The following DYNC1LI2 variants were observed in gnomAD, a reference collection of about 807,000 sequenced individuals.
DYNC1LI2 encodes the protein cytoplasmic dynein 1 light intermediate chain 2.
A neutral mutation model predicts 57.8 loss-of-function variants in DYNC1LI2; 19 were observed. The observed-to-expected ratio is 0.33, with a 90% confidence interval of 0.23 to 0.48. The LOEUF (loss-of-function observed/expected upper bound fraction) is 0.48. Ranked by LOEUF, DYNC1LI2 falls within the 20% of genes least tolerant of loss-of-function variation. DYNC1LI2 has a pLI of 0.99. For missense variants in DYNC1LI2, 470 were observed against 604.2 expected, an observed-to-expected ratio of 0.78 and a Z score of 2.33; for synonymous variants, 256 against 233.4, an observed-to-expected ratio of 1.10 and a Z score of -0.88.
At chr16:66,729,134 C>CA in intron 8 of DYNC1LI2, 35 bp from the exon 9 acceptor site, 1 of 1,611,918 alleles carries the variant, frequency 6.2e-7, no homozygotes, top group Non-Finnish European at 8.5e-7. Context: ...GGCCACAGGC[C>CA]AAGAATACTC....
chr16:66,751,365 G>A lies in DYNC1LI2; in HGVS notation c.108-19C>T, dbSNP rs2018048674. On this transcript the variant is annotated intron_variant, in intron 1 of 12. Transcript: ENST00000258198. This position sits in a 1 kb window ranked among gnomAD's most constrained non-coding sequence, Gnocchi z 5.2. ...GGAGGACCTGTGGCGACAATGGCAA[G>A]AGTGGTCAGCCCCGGGCCGGGCTGG... The A allele has an allele frequency of 5.6e-6, 9 of 1,610,390 alleles. No individual in the cohort carries two copies. The highest frequency in any genetic ancestry group is 1.7e-4 in the Middle Eastern group (1 of 6,044).
chr16:66,749,050 G>T, intron 3 of DYNC1LI2, 147 bp downstream of exon 3: 2 of 769,176 alleles, frequency 2.6e-6, no homozygotes, highest in Non-Finnish European at 4.2e-6. Flanking sequence ...TCCTGCAAAA[G>T]ATACGTACTT....
chr16:66,742,953 G>A (rs2017866448), intron 3 of DYNC1LI2, among the ~76,000 whole-genome samples: 1 of 151,978 alleles, frequency 6.6e-6, no homozygotes, highest in African/African-American at 2.4e-5. Flanking sequence ...GAGGTCAGGG[G>A]TTCAAGACCA....
intron 11 of DYNC1LI2, among the ~76,000 whole-genome samples, chr16:66,726,366 T>A (rs986990551): frequency 2.0e-5 from 3 of 152,242 alleles, no homozygotes; most frequent in Non-Finnish European, 2.9e-5. Context: ...GTTACTGGGA[T>A]AAAAGCTACT....
rs1163130046 is a variant in DYNC1LI2 at position 66,722,223 on chromosome 16, G to T, written c.*1499C>A. The stretch of plus-strand genomic sequence containing the variant: ...AAGTTATCCCCAGTACTACATTAGT[G>T]GTCAGTCAAATCTGGTATGTAAAAG... On this transcript the variant is annotated 3_prime_UTR_variant, in exon 13 of 13. Transcript: ENST00000258198. 1 of 152,524 alleles carries T rather than the reference G, an allele frequency of 6.6e-6. No individual in the cohort carries two copies. The highest frequency in any genetic ancestry group is 1.5e-5 in the Non-Finnish European group (1 of 68,020). The allele number at this position is 152,524 out of a possible 1,614,324, so 9.4% of individuals were successfully genotyped here.
rs747546300 is a variant in DYNC1LI2 at position 66,742,400 on chromosome 16, C to T, written c.529+38G>A. On this transcript the variant is annotated intron_variant, in intron 4 of 12. Coordinates refer to ENST00000258198, the MANE Select transcript of DYNC1LI2 (RefSeq NM_006141.3). ...GTGATTCAAACCATCTAAAGAGACT[C>T]GTGAACTTCCCAATTAAGAAAATTA... 15 of 1,593,936 alleles carry T rather than the reference C, an allele frequency of 9.4e-6. No homozygotes were observed. The Admixed American group carries it at 1.2e-4, about 13-fold the overall frequency.
chr16:66,739,960 CAAG>C (rs1007889276), intron 4 of DYNC1LI2, among the ~76,000 whole-genome samples: 3 of 152,184 alleles, frequency 2.0e-5, no homozygotes, highest in African/African-American at 7.2e-5. Context: ...GGAGTGGGTA[CAAG>C]AAGATCACAG....
chr16:66,749,766 A>C (rs1313361719), intron 2 of DYNC1LI2, among the ~76,000 whole-genome samples: 3 of 152,260 alleles, frequency 2.0e-5, no homozygotes, highest in Non-Finnish European at 4.4e-5. Context: ...CACAATGGTG[A>C]AGAATGGAAG....
chr16:66,732,487 C>G lies in DYNC1LI2; in HGVS notation c.794-13G>C, dbSNP rs751674460. On this transcript the variant is annotated splice_polypyrimidine_tract_variant and intron_variant, in intron 6 of 12. Transcript: ENST00000258198. ...AAGGCAGCTCCATCTAATCAATCTG[C>G]TCAAGAAAAATCAATTCACTGCAGG... 7 of 1,605,702 alleles carry G rather than the reference C, an allele frequency of 4.4e-6. No individual in the cohort carries two copies. The Admixed American group carries it at 1.2e-4, about 27-fold the overall frequency.
chr16:66,742,773 TCTAA>T, intron 3 of DYNC1LI2, 105 bp from the exon 4 acceptor site: 1 of 1,294,810 alleles, frequency 7.7e-7, no homozygotes, highest in Non-Finnish European at 1.1e-6. Flanking sequence ...AGCTATGAAT[TCTAA>T]ATAGAATGCA....
At position 66,736,197 on chromosome 16, in the gene DYNC1LI2, CT is replaced by C; in HGVS notation, c.576del (p.Gly193ValfsTer9). The C allele has an allele frequency of 6.2e-7, 1 of 1,614,090 alleles. No homozygotes were observed. The highest frequency in any genetic ancestry group is 8.5e-7 in the Non-Finnish European group (1 of 1,180,030). On this transcript the variant is annotated frameshift_variant, in exon 5 of 13. Coordinates refer to ENST00000258198, the MANE Select transcript of DYNC1LI2 (RefSeq NM_006141.3). LOFTEE classifies it high-confidence loss of function. Reference protein sequence around the residue: ...QDYMEPEEGCQGSPQRRGPLT... With the variant: ...QDYMEPEEGCXGSPQRRGPLT... The stretch of plus-strand genomic sequence containing the variant: ...AGAGGGCCTCTTCTCTGTGGGGAAC[CT>C]TGACAACCTTCTTCAGGTTCCATAT...
intron 9 of DYNC1LI2, among the ~76,000 whole-genome samples, chr16:66,728,499 C>G (rs2017576457): frequency 6.6e-6 from 1 of 152,144 alleles, no homozygotes; most frequent in South Asian, 2.1e-4. Flanking sequence ...AAGAAGGAAA[C>G]AGTTGGAAAA....
intron 4 of DYNC1LI2, among the ~76,000 whole-genome samples, chr16:66,737,313 AAAC>A (rs2144989341): frequency 6.6e-6 from 1 of 151,748 alleles, no homozygotes; most frequent in East Asian, 1.9e-4. Context: ...AACAAACAAA[AAAC>A]AACAAGCTTC....
chr16:66,735,289 C>T (rs1460500270), intron 5 of DYNC1LI2, among the ~76,000 whole-genome samples: 3 of 151,554 alleles, frequency 2.0e-5, no homozygotes, highest in African/African-American at 7.3e-5. Flanking sequence ...TTAGTAGAGA[C>T]AGGGTTTCAC....
Position 66,723,840 on chromosome 16 carries a change from C to G in DYNC1LI2, c.1379-18G>C, listed in dbSNP as rs766470575. On this transcript the variant is annotated intron_variant, in intron 12 of 12. Transcript: ENST00000258198. ...CTTTTGTCCTGAAAAAAAAAAAAAGCAAAAAAGCAAAGTAATGATGTGAGA... is the reference window on the plus strand; with the variant it reads ...CTTTTGTCCTGAAAAAAAAAAAAAGGAAAAAAGCAAAGTAATGATGTGAGA... 1.2e-4 allele frequency: 172 copies of G among 1,468,704 alleles called. No homozygotes were observed. Among genetic ancestry groups the G allele is most frequent in the Non-Finnish European group, 1.6e-4 (172 of 1,084,746 alleles). 91.0% of individuals were successfully genotyped at this position (1,468,704 alleles called of 1,614,324 possible).
rs368494278 is a variant in DYNC1LI2, at chr16:66,749,316, A to G, written c.182-3T>C. The G allele has an allele frequency of 2.0e-4, 318 of 1,614,034 alleles. 4 individuals are homozygous for G. The Middle Eastern group carries it at 6.9e-3, about 35-fold the overall frequency. ...TGTTTTACCAGAACCATCTTCACCT[A>G]CAAAGGATGTTTGCAAGACAAAGGT... On this transcript the variant is annotated splice_polypyrimidine_tract_variant and splice_region_variant and intron_variant, in intron 2 of 12. Coordinates refer to ENST00000258198, the MANE Select transcript of DYNC1LI2 (RefSeq NM_006141.3).
In DYNC1LI2 at chr16:66,723,811, C is replaced by G; in HGVS notation, c.1390G>C (p.Val464Leu). The G allele has an allele frequency of 6.3e-7, 1 of 1,588,806 alleles. No homozygotes were observed. The highest frequency in any genetic ancestry group is 1.1e-5 in the South Asian group (1 of 87,230). The change falls in exon 13 of 13, where the codon GTG becomes CTG. Residue 464 changes from valine to leucine, a missense_variant. Val to Leu is a conservative substitution (Grantham distance 32, BLOSUM62 1). Coordinates refer to ENST00000258198, the MANE Select transcript of DYNC1LI2 (RefSeq NM_006141.3). ...STAKKSGQKT[V>L]LSNVQEELDR... The stretch of plus-strand genomic sequence containing the variant: ...AGTTCTTCCTGAACATTTGACAACA[C>G]AGTCTTTTGTCCTGAAAAAAAAAAA...
In DYNC1LI2 at chr16:66,723,015, G is replaced by T; in HGVS notation, c.*707C>A. 3.2e-6 allele frequency: 1 copy of T among 311,708 alleles called. No individual in the cohort carries two copies. The allele number at this position is 311,708 out of a possible 1,614,324, so 19.3% of individuals were successfully genotyped here. A position where few individuals can be genotyped will look rare whatever the true frequency, so the allele number is the denominator to read the frequency against. On this transcript the variant is annotated 3_prime_UTR_variant, in exon 13 of 13. Coordinates refer to ENST00000258198, the MANE Select transcript of DYNC1LI2 (RefSeq NM_006141.3). Reference sequence around the variant, plus strand: ...GACATAGCCTGGGCCAAGCACATGGGTCCTGGGCAGCTGCCATCGTTCCCA... The same window carrying T: ...GACATAGCCTGGGCCAAGCACATGGTTCCTGGGCAGCTGCCATCGTTCCCA...
At chr16:66,750,377 A>G (rs1395488277) in intron 2 of DYNC1LI2, among the ~76,000 whole-genome samples, 1 of 152,166 alleles carries the variant, frequency 6.6e-6, no homozygotes, top group Non-Finnish European at 1.5e-5. Flanking sequence ...AACTTCAGGA[A>G]ACAGCACTAA....
Sources: allele counts gnomAD v4.1 joint callset (sites outside exome capture counted in the v4.1 genomes callset), GRCh38; gene constraint gnomAD v4.1.1; non-coding constraint Gnocchi (gnomAD v3.1); transcripts MANE v1.5; gene names NCBI Gene and HGNC (gene_info 2026-07-23, HGNC 2026-07-21).